Variants in DOCK11 observed in about 807,000 individuals in gnomAD.
DOCK11 encodes the protein dedicator of cytokinesis protein 11.
Under a neutral mutation model 169.1 loss-of-function variants are expected in DOCK11, and 70 were observed. That is an observed-to-expected ratio of 0.41 (90% CI 0.34 to 0.51). The LOEUF is 0.51. Among genes scored for constraint, DOCK11 ranks in the 20% least tolerant of loss-of-function variants. The pLI is 0.10. For synonymous variants in DOCK11, 529 were observed against 541.3 expected (o/e 0.98, Z 0.32); for missense variants, 1,166 against 1,538.8 (o/e 0.76, Z 4.05).
At chrX:118,523,991 T>A (rs2011318406) in intron 1 of DOCK11, among the ~76,000 whole-genome samples, 1 of 111,663 alleles carries the variant, frequency 9.0e-6, no homozygotes, top group Non-Finnish European at 1.9e-5. Context: ...ATGTGAGAAG[T>A]TTGGAAGTTT....
intron 24 of DOCK11, 135 bp from the exon 25 acceptor site, chrX:118,607,937 T>C (rs1297873490): frequency 6.1e-6 from 3 of 491,299 alleles, no homozygotes; most frequent in Non-Finnish European, 1.0e-5. Flanking sequence ...CACCATTATA[T>C]CTAATGCAAT....
chrX:118,593,691 C>T (rs771866357), intron 20 of DOCK11, among the ~76,000 whole-genome samples: 36 of 110,853 alleles, frequency 3.2e-4, no homozygotes, highest in African/African-American at 1.1e-3. Flanking sequence ...CAGGAAAGAG[C>T]GGCCCCCATG....
chrX:118,516,015 A>ATT (rs1384940585), intron 1 of DOCK11, among the ~76,000 whole-genome samples: 3 of 86,025 alleles, frequency 3.5e-5, no homozygotes, highest in Non-Finnish European at 6.5e-5. Flanking sequence ...ATATATATAT[A>ATT]TATACATTCT....
chrX:118,511,251 C>G, intron 1 of DOCK11, among the ~76,000 whole-genome samples: 1 of 112,346 alleles, frequency 8.9e-6, no homozygotes. Context: ...GTTTGAAAAT[C>G]TGTAGAGACA....
intron 44 of DOCK11, among the ~76,000 whole-genome samples, chrX:118,658,835 G>A (rs1159754959): frequency 8.9e-6 from 1 of 111,744 alleles, no homozygotes; most frequent in Non-Finnish European, 1.9e-5. Flanking sequence ...GGGTACAACT[G>A]TTTTCCCCAG....
intron 18 of DOCK11, among the ~76,000 whole-genome samples, chrX:118,589,216 G>T (rs2013909849): frequency 9.3e-6 from 1 of 108,094 alleles, no homozygotes; most frequent in African/African-American, 3.5e-5. Flanking sequence ...TTTGAAAAGA[G>T]ATTTTTTTTT....
intron 49 of DOCK11, 135 bp from the exon 50 acceptor site, chrX:118,680,923 G>GTAC: frequency 1.6e-6 from 1 of 615,159 alleles, no homozygotes; most frequent in Non-Finnish European, 2.5e-6. Context: ...GAATCCTGAA[G>GTAC]TACTATATGG....
At chrX:118,583,320 C>A (rs1386841546) in intron 14 of DOCK11, among the ~76,000 whole-genome samples, 1 of 110,349 alleles carries the variant, frequency 9.1e-6, no homozygotes, top group Non-Finnish European at 1.9e-5. Context: ...AGGAGAAATA[C>A]CTAATGTAGA....
chrX:118,589,942 G>C (rs752738922), intron 18 of DOCK11, among the ~76,000 whole-genome samples: 83 of 112,491 alleles, frequency 7.4e-4, no homozygotes, highest in Non-Finnish European at 2.8e-4. Context: ...GAGTAGGCCT[G>C]TTCAGCTCCT....
chrX:118,625,295 C>T (rs1363258799), intron 32 of DOCK11, among the ~76,000 whole-genome samples: 1 of 110,276 alleles, frequency 9.1e-6, no homozygotes, highest in African/African-American at 3.3e-5. Context: ...GCTGGGACTA[C>T]AGGTGCCCGC....
chrX:118,511,080 G>A (rs887305179), intron 1 of DOCK11, among the ~76,000 whole-genome samples: 1 of 112,101 alleles, frequency 8.9e-6, no homozygotes, highest in Non-Finnish European at 1.9e-5. Flanking sequence ...GCACTCTATC[G>A]TAGATGTGGA....
chrX:118,562,165 C>CA lies in DOCK11; in HGVS notation c.693+661dup, dbSNP rs759661279. ...TGGGTGATGGAGTGAGACTCCATCA[C>CA]AAAAAAAAAAAAAGGAAAGAAAATG... On this transcript the variant is annotated intron_variant, in intron 7 of 52. Transcript: ENST00000276202. Among the ~76,000 whole-genome samples the CA allele has an allele frequency of 4.5e-3, 337 of 75,133 alleles. 2 individuals are homozygous for CA. The highest frequency in any genetic ancestry group is 0.01 in the South Asian group (17 of 1,696). The allele number at this position is 75,133 out of a possible 115,157, so 65.2% of individuals were successfully genotyped here. A position where few individuals can be genotyped will look rare whatever the true frequency, so the allele number is the denominator to read the frequency against.
At chrX:118,506,622 C>T (rs771672388) in intron 1 of DOCK11, among the ~76,000 whole-genome samples, 5 of 110,652 alleles carry the variant, frequency 4.5e-5, no homozygotes, top group South Asian at 7.8e-4. Flanking sequence ...GCTGAGATCA[C>T]GCCACTGCAC....
chrX:118,668,633 C>T (rs2016393157), intron 45 of DOCK11, among the ~76,000 whole-genome samples: 1 of 111,449 alleles, frequency 9.0e-6, no homozygotes, highest in African/African-American at 3.3e-5. Flanking sequence ...AATATTGTCC[C>T]TACTCTCAAA....
rs57680469 is a variant in DOCK11, at chrX:118,549,106, C to CTGTGTGTGTGTGTGTGTGTG, written c.558+2995_558+3014dup. Among the ~76,000 whole-genome samples, 53 of 99,116 alleles carry CTGTGTGTGTGTGTGTGTGTG rather than the reference C, an allele frequency of 5.3e-4. 3 individuals are homozygous for CTGTGTGTGTGTGTGTGTGTG. The highest frequency in any genetic ancestry group is 3.7e-3 in the East Asian group (12 of 3,242). 86.1% of individuals were successfully genotyped at this position (99,116 alleles called of 115,157 possible). A position where few individuals can be genotyped will look rare whatever the true frequency, so the allele number is the denominator to read the frequency against. The stretch of plus-strand genomic sequence containing the variant: ...CTTTTTATCCTCAGCTGCTCATATT[C>CTGTGTGTGTGTGTGTGTGTG]TGTGTGTGTGTGTGTGTGTGTGTGA... On this transcript the variant is annotated intron_variant, in intron 6 of 52. Transcript: ENST00000276202.
intron 44 of DOCK11, among the ~76,000 whole-genome samples, chrX:118,655,304 T>G (rs906450572): frequency 2.9e-5 from 3 of 104,079 alleles, no homozygotes; most frequent in African/African-American, 1.1e-4. Flanking sequence ...CTGTACCTAT[T>G]TTAAAATAAA....
chrX:118,506,938 TAGTGCACAC>T (rs201912139), intron 1 of DOCK11, among the ~76,000 whole-genome samples: 2,782 of 111,725 alleles, frequency 0.025, 40 homozygotes, highest in Non-Finnish European at 0.04. Flanking sequence ...ATAAAAAGAA[TAGTGCACAC>T]AGGTTCCTAG....
chrX:118,647,921 A>ATTT (rs1210807692), intron 40 of DOCK11, among the ~76,000 whole-genome samples: 5 of 51,244 alleles, frequency 9.8e-5, no homozygotes, highest in African/African-American at 4.5e-4. Flanking sequence ...ATAATATTAT[A>ATTT]TATAATAAAT....
chrX:118,641,936 T>C (rs950051886), intron 39 of DOCK11, among the ~76,000 whole-genome samples: 3 of 111,216 alleles, frequency 2.7e-5, no homozygotes, highest in African/African-American at 9.8e-5. Context: ...TTTTCCTTTT[T>C]CCCCTCTTCT....
Sources: allele counts gnomAD v4.1 joint callset (sites outside exome capture counted in the v4.1 genomes callset), GRCh38; gene constraint gnomAD v4.1.1; transcripts MANE v1.5; gene names NCBI Gene and HGNC (gene_info 2026-07-23, HGNC 2026-07-21).